The following LHFPL3 variants were observed in gnomAD, a reference collection of about 807,000 sequenced individuals.
LHFPL3 encodes the protein LHFPL tetraspan subfamily member 3, also known as LHFPL tetraspan subfamily member 3 protein.
In LHFPL3, 5 loss-of-function variants were observed where a neutral mutation model predicts 19.3. The observed-to-expected ratio is 0.26, with a 90% CI of 0.14 to 0.54. The LOEUF is 0.54. Among genes scored for constraint, LHFPL3 ranks in the 20% least tolerant of loss-of-function variants. The pLI is 0.94. For synonymous variants in LHFPL3, 133 were observed against 126.2 expected (o/e 1.05, Z -0.36); for missense variants, 249 against 307.4 (o/e 0.81, Z 1.42).
chr7:104,906,154 C>T (rs755700951), intron 2 of LHFPL3, 33 bp from the exon 3 acceptor site: 2 of 1,603,672 alleles, frequency 1.2e-6, no homozygotes, highest in East Asian at 2.2e-5. Flanking sequence ...CTCCCCCCAC[C>T]CTTTTTCTCT....
intron 2 of LHFPL3, among the ~76,000 whole-genome samples, chr7:104,877,570 A>G (rs1252025513): frequency 6.6e-6 from 1 of 152,212 alleles, no homozygotes; most frequent in South Asian, 2.1e-4. Flanking sequence ...CCACAATGAG[A>G]TATCACTTCC....
Position 104,679,210 on chromosome 7 carries a change from C to T in LHFPL3, c.446-57465C>T, listed in dbSNP as rs1313274720. Among the ~76,000 whole-genome samples the T allele has an allele frequency of 2.0e-5, 3 of 152,360 alleles. No individual in the cohort carries two copies. In the East Asian group the frequency reaches 5.8e-4, roughly 29 times the overall value. On this transcript the variant is annotated intron_variant, in intron 1 of 2. Transcript: ENST00000424859. ...TTCCAATATGGCTGTCGGCAAGAAG[C>T]CTCAGCTCCTTACTGGTTGTTGACA...
intron 1 of LHFPL3, among the ~76,000 whole-genome samples, chr7:104,466,288 T>G (rs1792783078): frequency 6.6e-6 from 1 of 152,222 alleles, no homozygotes; most frequent in Non-Finnish European, 1.5e-5. Context: ...TTTGTAAAAA[T>G]GTTGTTTTAA....
intron 1 of LHFPL3, among the ~76,000 whole-genome samples, chr7:104,597,423 C>G (rs1028134750): frequency 1.3e-5 from 2 of 152,156 alleles, no homozygotes; most frequent in African/African-American, 4.8e-5. Context: ...TTAAACTGAT[C>G]CCTTTGATTA....
chr7:104,438,111 A>C (rs537796161), intron 1 of LHFPL3, among the ~76,000 whole-genome samples: 6 of 152,200 alleles, frequency 3.9e-5, no homozygotes, highest in Admixed American at 2.6e-4. Flanking sequence ...AGAACAAAAG[A>C]TGCAGGCAGC....
chr7:104,731,332 A>G (rs1188766887), intron 1 of LHFPL3, among the ~76,000 whole-genome samples: 1 of 151,726 alleles, frequency 6.6e-6, no homozygotes, highest in Non-Finnish European at 1.5e-5. Context: ...CATTTTCATG[A>G]TATTGATTCT....
At position 104,532,971 on chromosome 7, in the gene LHFPL3, G is replaced by A. The variant is rs575764264; in HGVS notation, c.446-203704G>A. ...TTTAATGTGTCAAGGAGGAGAGAGT[G>A]AAGAGGAGATCACCTTCCCAGAATT... is the stretch of plus-strand genomic sequence containing the variant. On this transcript the variant is annotated intron_variant, in intron 1 of 2. Coordinates refer to ENST00000424859, the MANE Select transcript of LHFPL3 (RefSeq NM_199000.3). 1.1e-4 allele frequency among the ~76,000 whole-genome samples: 16 copies of A among 152,280 alleles called. 1 individual carries two copies. The East Asian group carries it at 3.1e-3, about 29-fold the overall frequency.
At position 104,868,998 on chromosome 7, in the gene LHFPL3, G is replaced by C. The variant is rs370409357; in HGVS notation, c.683-37189G>C. Among the ~76,000 whole-genome samples the C allele has an allele frequency of 5.7e-3, 862 of 152,276 alleles. 6 individuals carry two copies. Among genetic ancestry groups the C allele is most frequent in the Non-Finnish European group, 9.7e-3 (658 of 68,024 alleles). ...GGAAACAATTCCCTATTTAATAAAT[G>C]GTGCTGGGAAAACTGGCTAGCCATA... On this transcript the variant is annotated intron_variant, in intron 2 of 2. Coordinates refer to ENST00000424859, the MANE Select transcript of LHFPL3 (RefSeq NM_199000.3).
chr7:104,781,851 C>T (rs1026523974), intron 2 of LHFPL3, among the ~76,000 whole-genome samples: 1 of 152,198 alleles, frequency 6.6e-6, no homozygotes, highest in African/African-American at 2.4e-5. Flanking sequence ...CCACACTCTC[C>T]TTGTTTTCCT....
At chr7:104,371,053 CA>C (rs1440064690) in intron 1 of LHFPL3, among the ~76,000 whole-genome samples, 1 of 152,122 alleles carries the variant, frequency 6.6e-6, no homozygotes, top group Non-Finnish European at 1.5e-5. Context: ...GTAATAAATG[CA>C]TGGTTTGCCA....
chr7:104,861,348 T>C (rs1179129455), intron 2 of LHFPL3, among the ~76,000 whole-genome samples: 1 of 152,192 alleles, frequency 6.6e-6, no homozygotes, highest in Non-Finnish European at 1.5e-5. Context: ...TTTTCTCATA[T>C]ATAAAATGAG....
At chr7:104,585,152 TC>T (rs1278448784) in intron 1 of LHFPL3, among the ~76,000 whole-genome samples, 7 of 151,956 alleles carry the variant, frequency 4.6e-5, no homozygotes, top group Admixed American at 6.6e-5. Context: ...CTTTTCCTCC[TC>T]CTACTGTCTG....
chr7:104,867,326 G>A (rs1226021106), intron 2 of LHFPL3, among the ~76,000 whole-genome samples: 43 of 152,008 alleles, frequency 2.8e-4, no homozygotes, highest in East Asian at 1.9e-4. Context: ...TTGACAGACC[G>A]CTGGCAAGAC....
chr7:104,788,973 A>G (rs943648052), intron 2 of LHFPL3, among the ~76,000 whole-genome samples: 1 of 152,232 alleles, frequency 6.6e-6, no homozygotes, highest in Non-Finnish European at 1.5e-5. Flanking sequence ...CAGCAAGCCT[A>G]TCTTTCCACT....
chr7:104,592,695 C>T (rs1048361325), intron 1 of LHFPL3, among the ~76,000 whole-genome samples: 1 of 152,166 alleles, frequency 6.6e-6, no homozygotes, highest in Non-Finnish European at 1.5e-5. Context: ...ATGCCCTGCC[C>T]CCAGAGGTGG....
intron 2 of LHFPL3, among the ~76,000 whole-genome samples, chr7:104,838,344 C>G (rs1388118086): frequency 5.9e-5 from 9 of 152,176 alleles, no homozygotes; most frequent in Non-Finnish European, 1.3e-4. Flanking sequence ...GCTCCTAACC[C>G]TACATATACA....
At chr7:104,870,152 T>A (rs1283940458) in intron 2 of LHFPL3, among the ~76,000 whole-genome samples, 1 of 152,078 alleles carries the variant, frequency 6.6e-6, no homozygotes, top group African/African-American at 2.4e-5. Flanking sequence ...AATGACGAGT[T>A]ACTGGGTGCA....
intron 2 of LHFPL3, among the ~76,000 whole-genome samples, chr7:104,756,490 C>A (rs1028573095): frequency 6.6e-6 from 1 of 151,978 alleles, no homozygotes; most frequent in Non-Finnish European, 1.5e-5. Context: ...TTAAGCACGA[C>A]AATTTTATTT....
At chr7:104,360,785 C>G (rs974544641) in intron 1 of LHFPL3, among the ~76,000 whole-genome samples, 2 of 149,040 alleles carry the variant, frequency 1.3e-5, no homozygotes, top group African/African-American at 2.5e-5. Context: ...ACAAGAAATA[C>G]TTTGAAGAAA....
Sources: allele counts gnomAD v4.1 joint callset (sites outside exome capture counted in the v4.1 genomes callset), GRCh38; gene constraint gnomAD v4.1.1; transcripts MANE v1.5; gene names NCBI Gene and HGNC (gene_info 2026-07-23, HGNC 2026-07-21).